KDM4B: variants seen among roughly 807,000 people sequenced by gnomAD.
KDM4B encodes lysine demethylase 4B.
Under a neutral mutation model 125.2 loss-of-function variants are expected in KDM4B, and 32 were observed. The observed-to-expected ratio is 0.26, with a 90% CI of 0.19 to 0.34. The LOEUF is 0.34. Among genes scored for constraint, KDM4B ranks in the 10% least tolerant of loss-of-function variants. KDM4B has a pLI of 1.00. For missense variants in KDM4B, 1,190 were observed against 1,577.7 expected, an observed-to-expected ratio of 0.75 and a Z score of 4.16; for synonymous variants, 721 against 677.9, an observed-to-expected ratio of 1.06 and a Z score of -0.99.
At chr19:5,007,112 C>G (rs2035585544) in intron 1 of KDM4B, among the ~76,000 whole-genome samples, 1 of 152,226 alleles carries the variant, frequency 6.6e-6, no homozygotes, top group Admixed American at 6.5e-5. Flanking sequence ...CTGTCCCCAC[C>G]ATCCCTCGTG....
chr19:5,082,846 T>C lies in KDM4B; in HGVS notation c.918+342T>C, dbSNP rs1410837843. On this transcript the variant is annotated intron_variant, in intron 9 of 22. Transcript: ENST00000159111. The surrounding 1 kb of genome is among the most constrained non-coding windows in gnomAD (Gnocchi z 5.4). ...TGGGGTGTTTCCTCCACCAGCACCA[T>C]TGTCCCCCCTGCTGGCTGGCTCCTG... is the stretch of plus-strand genomic sequence containing the variant. 1.3e-5 allele frequency among the ~76,000 whole-genome samples: 2 copies of C among 151,222 alleles called. No individual in the cohort carries two copies. The highest frequency in any genetic ancestry group is 1.9e-4 in the East Asian group (1 of 5,182).
intron 10 of KDM4B, chr19:5,111,346 G>T (rs756896043): frequency 1.3e-6 from 1 of 755,834 alleles, no homozygotes. Context: ...GCCCCGGGGC[G>T]TGACCCTGGA....
chr19:5,028,981 G>C (rs2036366981), intron 2 of KDM4B, among the ~76,000 whole-genome samples: 1 of 152,200 alleles, frequency 6.6e-6, no homozygotes, highest in Non-Finnish European at 1.5e-5. Context: ...TGCAATCTTG[G>C]CTCACTGCAA....
At chr19:5,093,617 C>T (rs551576695) in intron 9 of KDM4B, among the ~76,000 whole-genome samples, 3 of 152,338 alleles carry the variant, frequency 2.0e-5, no homozygotes, top group South Asian at 4.1e-4. Context: ...AGCGCAGATG[C>T]GGGCGCCTCT....
chr19:5,115,696 G>A lies in KDM4B; in HGVS notation c.1116-3957G>A, dbSNP rs2039241519. On this transcript the variant is annotated intron_variant, in intron 10 of 22. Transcript: ENST00000159111. This position sits in a 1 kb window ranked among gnomAD's most constrained non-coding sequence, Gnocchi z 4.2. ...AGGATGCAGTGAGTGCAGGGCCCTG[G>A]AGTGGGCCGGGACTTTGCATTATGG... 6.6e-6 allele frequency among the ~76,000 whole-genome samples: 1 copy of A among 152,254 alleles called. No individual in the cohort carries two copies. The highest frequency in any genetic ancestry group is 1.5e-5 in the Non-Finnish European group (1 of 68,046).
intron 9 of KDM4B, among the ~76,000 whole-genome samples, chr19:5,102,606 C>G (rs565781284): frequency 6.6e-6 from 1 of 152,296 alleles, no homozygotes; most frequent in East Asian, 1.9e-4. Context: ...CACTCCCGGT[C>G]TCTTGCTGTT....
chr19:4,986,536 C>G (rs559995899), intron 1 of KDM4B, among the ~76,000 whole-genome samples: 1 of 152,178 alleles, frequency 6.6e-6, no homozygotes, highest in Non-Finnish European at 1.5e-5. Flanking sequence ...GAGGAGGGCT[C>G]GGGAGGCTGT....
chr19:5,047,927 T>C (rs1297325557), intron 6 of KDM4B, among the ~76,000 whole-genome samples: 1 of 152,190 alleles, frequency 6.6e-6, no homozygotes, highest in Non-Finnish European at 1.5e-5. Flanking sequence ...CCCATTGAGC[T>C]GTGAGCGGCC....
chr19:5,064,114 G>A (rs1347841789), intron 6 of KDM4B, among the ~76,000 whole-genome samples: 2 of 152,144 alleles, frequency 1.3e-5, no homozygotes, highest in African/African-American at 4.8e-5. Context: ...CGAGGGTGGC[G>A]GTCACCATGG....
chr19:5,032,844 C>A, intron 2 of KDM4B, 22 bp from the exon 3 acceptor site: 1 of 1,604,206 alleles, frequency 6.2e-7, no homozygotes, highest in East Asian at 2.2e-5. Flanking sequence ...GCTGGTTCAC[C>A]CTCTCTCGTC....
intron 5 of KDM4B, among the ~76,000 whole-genome samples, chr19:5,042,102 T>G (rs1419257046): frequency 6.6e-6 from 1 of 152,042 alleles, no homozygotes; most frequent in Non-Finnish European, 1.5e-5. Context: ...GAGACCAGAG[T>G]ATTTCGAATT....
chr19:5,029,052 A>C (rs1451664528), intron 2 of KDM4B, among the ~76,000 whole-genome samples: 1 of 152,186 alleles, frequency 6.6e-6, no homozygotes, highest in African/African-American at 2.4e-5. Flanking sequence ...CTGGGAGTAC[A>C]GGTGCAGACC....
At chr19:5,012,137 A>G (rs541596616) in intron 1 of KDM4B, among the ~76,000 whole-genome samples, 2 of 152,262 alleles carry the variant, frequency 1.3e-5, no homozygotes, top group South Asian at 4.1e-4. Flanking sequence ...ATCTGCCTAG[A>G]AGCCGCAGCA....
intron 9 of KDM4B, among the ~76,000 whole-genome samples, chr19:5,095,579 G>A (rs541994037): frequency 1.3e-5 from 2 of 152,366 alleles, no homozygotes; most frequent in Non-Finnish European, 2.9e-5. Context: ...AGAGCTGGGG[G>A]CCCACGAGCC....
chr19:5,014,220 C>T (rs528853088), intron 1 of KDM4B, among the ~76,000 whole-genome samples: 16 of 152,200 alleles, frequency 1.1e-4, no homozygotes, highest in Non-Finnish European at 2.1e-4. Context: ...TGGGCTCATG[C>T]GATCCTCCTG....
chr19:5,038,835 G>A (rs1353201945), intron 3 of KDM4B, among the ~76,000 whole-genome samples: 2 of 152,242 alleles, frequency 1.3e-5, no homozygotes, highest in Non-Finnish European at 2.9e-5. Flanking sequence ...CCTGCCTCAC[G>A]GCCCCTGTCC....
At chr19:5,033,101 C>A in intron 3 of KDM4B, 70 bp downstream of exon 3, 1 of 1,553,570 alleles carries the variant, frequency 6.4e-7, no homozygotes. Context: ...CATCCTGGGT[C>A]CCAGCTCAGC....
At position 5,047,496 on chromosome 19, in the gene KDM4B, C is replaced by G. The variant is rs567936662; in HGVS notation, c.453C>G (p.Ile151Met). ...LYDDDVAQWN[I>M]GSLRTILDMV... is the part of the protein sequence containing the mutation. ...CACAGGACGTGGCCCAGTGGAACATCGGGAGCCTCCGGACCATCCTGGACA... is the reference window on the plus strand; with the variant it reads ...CACAGGACGTGGCCCAGTGGAACATGGGGAGCCTCCGGACCATCCTGGACA... Residue 151 changes from isoleucine to methionine, a missense_variant, in exon 6 of 23, where the codon ATC becomes ATG. By Grantham distance (10) the Ile-to-Met change is conservative. Coordinates refer to ENST00000159111, the MANE Select transcript of KDM4B (RefSeq NM_015015.3). 4 of 1,610,652 alleles carry G rather than the reference C, an allele frequency of 2.5e-6. No individual in the cohort carries two copies. The highest frequency in any genetic ancestry group is 1.7e-5 in the Admixed American group (1 of 59,718).
chr19:5,109,682 C>T (rs1249728429), intron 9 of KDM4B, among the ~76,000 whole-genome samples: 3 of 152,172 alleles, frequency 2.0e-5, no homozygotes, highest in Non-Finnish European at 4.4e-5. Flanking sequence ...GCCTCCCAGA[C>T]CCTCAGCATC....
Sources: gnomAD v4.1 joint callset for allele counts (sites outside exome capture counted in the v4.1 genomes callset) on GRCh38, gnomAD v4.1.1 for gene constraint, Gnocchi (gnomAD v3.1) non-coding constraint, MANE v1.5 for transcripts, NCBI Gene and HGNC (gene_info 2026-07-23, HGNC 2026-07-21) for gene names.